Variants in LRRTM3 observed in about 807,000 individuals in gnomAD.
LRRTM3 encodes leucine rich repeat transmembrane neuronal 3, also known as leucine-rich repeat transmembrane neuronal protein 3.
In LRRTM3, 24 loss-of-function variants were observed where a neutral mutation model predicts 44.7. The observed-to-expected ratio is 0.54, with a 90% confidence interval of 0.39 to 0.76. The LOEUF (loss-of-function observed/expected upper bound fraction) is 0.76. LRRTM3 is among the 30% of genes least tolerant of loss of function. LRRTM3 has a pLI of 0.00. For missense variants in LRRTM3, 587 were observed against 702.2 expected, an observed-to-expected ratio of 0.84 and a Z score of 1.85; for synonymous variants, 277 against 278.7, an observed-to-expected ratio of 0.99 and a Z score of 0.06.
chr10:66,952,913 G>C (rs949135964), intron 2 of LRRTM3, among the ~76,000 whole-genome samples: 4 of 152,008 alleles, frequency 2.6e-5, no homozygotes, highest in Admixed American at 2.0e-4. Context: ...CAGCACAGTA[G>C]TGTTACAGCC....
At chr10:66,963,144 G>A (rs932450279) in intron 2 of LRRTM3, among the ~76,000 whole-genome samples, 1 of 152,096 alleles carries the variant, frequency 6.6e-6, no homozygotes, top group South Asian at 2.1e-4. Flanking sequence ...AACAAAGCTA[G>A]TACTTACAGT....
intron 2 of LRRTM3, among the ~76,000 whole-genome samples, chr10:67,030,062 T>C (rs1053884066): frequency 1.3e-4 from 20 of 152,210 alleles, no homozygotes; most frequent in African/African-American, 4.8e-4. Flanking sequence ...TAAAAAACAA[T>C]CTTGTAATAA....
At chr10:67,089,128 G>T (rs1035385518) in intron 2 of LRRTM3, among the ~76,000 whole-genome samples, 1 of 151,904 alleles carries the variant, frequency 6.6e-6, no homozygotes, top group African/African-American at 2.4e-5. Context: ...CCCCCCATAG[G>T]TTTTGCTATC....
At chr10:67,006,071 C>T (rs1295442557) in intron 2 of LRRTM3, among the ~76,000 whole-genome samples, 2 of 152,070 alleles carry the variant, frequency 1.3e-5, no homozygotes, top group South Asian at 2.1e-4. Flanking sequence ...TATCTACCAC[C>T]TGTTGAACAG....
chr10:66,940,103 T>G (rs1473172206), intron 2 of LRRTM3, among the ~76,000 whole-genome samples: 1 of 152,188 alleles, frequency 6.6e-6, no homozygotes, highest in Admixed American at 6.5e-5. Flanking sequence ...GGAATCTGCT[T>G]GGTCCAACTT....
intron 2 of LRRTM3, among the ~76,000 whole-genome samples, chr10:67,034,500 T>C (rs1490686194): frequency 6.6e-6 from 1 of 152,198 alleles, no homozygotes; most frequent in Non-Finnish European, 1.5e-5. Context: ...GGCTCTCCCT[T>C]TCTGGTTCCT....
intron 2 of LRRTM3, among the ~76,000 whole-genome samples, chr10:66,949,568 A>T (rs1218818825): frequency 6.6e-6 from 1 of 151,632 alleles, no homozygotes; most frequent in Admixed American, 6.6e-5. Context: ...CAAAATAAAA[A>T]AAAAAAAAAG....
At chr10:66,984,775 A>T (rs1364979326) in intron 2 of LRRTM3, among the ~76,000 whole-genome samples, 59 of 152,172 alleles carry the variant, frequency 3.9e-4, no homozygotes, top group Admixed American at 3.8e-3. Flanking sequence ...AATTTAAATA[A>T]TTTATTTTTG....
At chr10:66,931,252 T>C (rs1054323979) in intron 2 of LRRTM3, among the ~76,000 whole-genome samples, 2 of 150,444 alleles carry the variant, frequency 1.3e-5, no homozygotes, top group African/African-American at 4.9e-5. Flanking sequence ...CAGAATACTT[T>C]GCTTTACCAA....
chr10:67,022,889 G>T (rs986798013), intron 2 of LRRTM3, among the ~76,000 whole-genome samples: 2 of 152,154 alleles, frequency 1.3e-5, no homozygotes, highest in Non-Finnish European at 2.9e-5. Flanking sequence ...AGTGAGCCGA[G>T]ATCATGCCAT....
At chr10:67,037,099 G>A (rs1854107577) in intron 2 of LRRTM3, among the ~76,000 whole-genome samples, 2 of 151,996 alleles carry the variant, frequency 1.3e-5, no homozygotes, top group African/African-American at 4.8e-5. Context: ...CATTTGACTG[G>A]GTGAGGATCT....
At chr10:67,094,950 T>C (rs893685359) in intron 2 of LRRTM3, among the ~76,000 whole-genome samples, 6 of 151,548 alleles carry the variant, frequency 4.0e-5, no homozygotes, top group African/African-American at 1.5e-4. Context: ...ATCACCAAAA[T>C]TTGCATTTTC....
chr10:67,073,467 G>C (rs1856573025), intron 2 of LRRTM3, among the ~76,000 whole-genome samples: 1 of 151,512 alleles, frequency 6.6e-6, no homozygotes, highest in Non-Finnish European at 1.5e-5. Context: ...TAAATCCTTT[G>C]CCATCCTGAT....
At chr10:66,970,424 G>A (rs1222199843) in intron 2 of LRRTM3, among the ~76,000 whole-genome samples, 2 of 147,398 alleles carry the variant, frequency 1.4e-5, no homozygotes, top group African/African-American at 5.0e-5. Context: ...TTCCCAGACA[G>A]TCATGGTAAT....
intron 2 of LRRTM3, among the ~76,000 whole-genome samples, chr10:67,030,928 C>T (rs1407496163): frequency 1.3e-5 from 2 of 152,046 alleles, no homozygotes; most frequent in Non-Finnish European, 2.9e-5. Flanking sequence ...TGCTTGAACC[C>T]GAGAGGTGGA....
At chr10:67,001,956 A>T (rs1851713337) in intron 2 of LRRTM3, among the ~76,000 whole-genome samples, 1 of 152,180 alleles carries the variant, frequency 6.6e-6, no homozygotes, top group Non-Finnish European at 1.5e-5. Flanking sequence ...TGGGAAATAG[A>T]CATTGAGGAA....
chr10:66,979,484 C>T (rs374405992), intron 2 of LRRTM3, among the ~76,000 whole-genome samples: 3 of 152,100 alleles, frequency 2.0e-5, no homozygotes, highest in African/African-American at 7.2e-5. Context: ...TTCTGTATCA[C>T]AGAAGCTGGA....
chr10:67,055,597 T>C (rs1438538978), intron 2 of LRRTM3, among the ~76,000 whole-genome samples: 1 of 152,114 alleles, frequency 6.6e-6, no homozygotes, highest in Non-Finnish European at 1.5e-5. Flanking sequence ...TGACCCAAAA[T>C]ATAATCAACA....
chr10:66,929,822 T>C (rs1322164892), intron 2 of LRRTM3, among the ~76,000 whole-genome samples: 2 of 152,214 alleles, frequency 1.3e-5, no homozygotes, highest in African/African-American at 4.8e-5. Context: ...CTTCCATATT[T>C]GAGTAACTTG....
Sources: allele counts gnomAD v4.1 joint callset (sites outside exome capture counted in the v4.1 genomes callset), GRCh38; gene constraint gnomAD v4.1.1; transcripts MANE v1.5; gene names NCBI Gene and HGNC (gene_info 2026-07-23, HGNC 2026-07-21).